The following TMEM232 variants were observed in gnomAD, a reference collection of about 807,000 sequenced individuals.
TMEM232 encodes the protein transmembrane protein 232.
Under a neutral mutation model 78.8 loss-of-function variants are expected in TMEM232, and 80 were observed. The observed-to-expected ratio is 1.01, with a 90% CI of 0.85 to 1.22. TMEM232 has a LOEUF of 1.22. Among genes scored for constraint, TMEM232 ranks in the 50% most tolerant of loss-of-function variants. The pLI, the probability that TMEM232 is intolerant of heterozygous loss-of-function variation, is 0.00. For missense variants in TMEM232, 881 were observed against 742.2 expected, an observed-to-expected ratio of 1.19 and a Z score of -2.17; for synonymous variants, 297 against 254.3, an observed-to-expected ratio of 1.17 and a Z score of -1.60.
intron 1 of TMEM232, among the ~76,000 whole-genome samples, chr5:110,704,164 A>G (rs1313435639): frequency 2.0e-5 from 3 of 152,080 alleles, no homozygotes; most frequent in Non-Finnish European, 4.4e-5. Context: ...AAGTATCATG[A>G]TCACTAGACA....
intron 12 of TMEM232, among the ~76,000 whole-genome samples, chr5:110,462,355 C>T (rs313611): frequency 0.31 from 46,545 of 152,000 alleles, 12,269 homozygotes; most frequent in African/African-American, 0.71. Flanking sequence ...TATGAAGGTG[C>T]TGCCAATGGA....
intron 12 of TMEM232, among the ~76,000 whole-genome samples, chr5:110,440,066 A>C (rs1458114987): frequency 2.6e-5 from 4 of 152,160 alleles, no homozygotes; most frequent in Non-Finnish European, 5.9e-5. Flanking sequence ...AGAAAACATA[A>C]TGTGCCCCCA....
At chr5:110,430,252 C>G (rs932049522) in intron 12 of TMEM232, among the ~76,000 whole-genome samples, 1 of 151,506 alleles carries the variant, frequency 6.6e-6, no homozygotes, top group Non-Finnish European at 1.5e-5. Context: ...GCTTATTGCT[C>G]AAAGTTTTCT....
intron 3 of TMEM232, among the ~76,000 whole-genome samples, chr5:110,391,036 C>T (rs1446676934): frequency 6.6e-6 from 1 of 152,172 alleles, no homozygotes; most frequent in African/African-American, 2.4e-5. Context: ...ACAATGATGC[C>T]ACAGTGGTTT....
At chr5:110,643,158 A>G (rs895118663) in intron 2 of TMEM232, among the ~76,000 whole-genome samples, 1 of 152,110 alleles carries the variant, frequency 6.6e-6, no homozygotes, top group Non-Finnish European at 1.5e-5. Flanking sequence ...TCGTGACTCA[A>G]CTGAGGAACT....
In TMEM232 at chr5:110,737,975, A is replaced by T. The variant is rs186064711; in HGVS notation, c.-126+18T>A. ...GCTATCAAAATATCTCATGTAACCCATAAATATATACACCTACTATACACC... is the reference window on the plus strand; with the variant it reads ...GCTATCAAAATATCTCATGTAACCCTTAAATATATACACCTACTATACACC... On this transcript the variant is annotated intron_variant, in intron 1 of 4. Coordinates refer to the TMEM232 transcript ENST00000512886. 41 of 162,784 alleles carry T rather than the reference A, an allele frequency of 2.5e-4. No homozygotes were observed. The South Asian group carries it at 3.1e-3, about 12-fold the overall frequency. The allele number at this position is 162,784 out of a possible 1,614,324, so 10.1% of individuals were successfully genotyped here. A position where few individuals can be genotyped will look rare whatever the true frequency, so the allele number is the denominator to read the frequency against.
chr5:110,466,080 A>T (rs1423589856), intron 12 of TMEM232, among the ~76,000 whole-genome samples: 2 of 152,200 alleles, frequency 1.3e-5, no homozygotes, highest in Non-Finnish European at 2.9e-5. Context: ...CTACTAATTG[A>T]ATATAGCTGT....
chr5:110,657,297 A>G (rs1789209278), intron 2 of TMEM232, among the ~76,000 whole-genome samples: 1 of 152,202 alleles, frequency 6.6e-6, no homozygotes, highest in African/African-American at 2.4e-5. Flanking sequence ...ACATCTGCAC[A>G]TCCATGTTTA....
intron 1 of TMEM232, among the ~76,000 whole-genome samples, chr5:110,670,085 C>T (rs556708939): frequency 6.6e-6 from 1 of 152,204 alleles, no homozygotes; most frequent in African/African-American, 2.4e-5. Context: ...ACAGGGATGC[C>T]CTCTCTCACC....
At chr5:110,421,970 T>C (rs1490614042) in intron 13 of TMEM232, among the ~76,000 whole-genome samples, 1 of 152,178 alleles carries the variant, frequency 6.6e-6, no homozygotes, top group African/African-American at 2.4e-5. Flanking sequence ...GAACCAGTTT[T>C]GCATAAAATG....
At chr5:110,537,327 T>C (rs1293946159) in intron 11 of TMEM232, among the ~76,000 whole-genome samples, 1 of 151,986 alleles carries the variant, frequency 6.6e-6, no homozygotes, top group Non-Finnish European at 1.5e-5. Context: ...GGCCCAATTA[T>C]GAGCTGCCCA....
At chr5:110,607,717 G>A (rs904630536) in intron 8 of TMEM232, among the ~76,000 whole-genome samples, 1 of 151,956 alleles carries the variant, frequency 6.6e-6, no homozygotes, top group African/African-American at 2.4e-5. Flanking sequence ...GCTAGAAAAG[G>A]AAGCATATTA....
intron 1 of TMEM232, among the ~76,000 whole-genome samples, chr5:110,679,265 C>A (rs1174779138): frequency 1.3e-5 from 2 of 152,104 alleles, no homozygotes; most frequent in South Asian, 2.1e-4. Flanking sequence ...ATTTGCATTT[C>A]TCTGATGACT....
chr5:110,501,314 A>C (rs1276979671), intron 12 of TMEM232, among the ~76,000 whole-genome samples: 3 of 152,180 alleles, frequency 2.0e-5, no homozygotes, highest in Non-Finnish European at 2.9e-5. Flanking sequence ...TTGGCATCTA[A>C]GCTATTAATT....
At chr5:110,485,385 T>G (rs1764351423) in intron 12 of TMEM232, among the ~76,000 whole-genome samples, 1 of 152,116 alleles carries the variant, frequency 6.6e-6, no homozygotes, top group South Asian at 2.1e-4. Context: ...TTTGTGAGAT[T>G]TTGGTGCACC....
chr5:110,587,687 A>G (rs1483653141), intron 10 of TMEM232, among the ~76,000 whole-genome samples: 48 of 78,196 alleles, frequency 6.1e-4, no homozygotes, highest in African/African-American at 1.5e-3. Flanking sequence ...ATATATATAT[A>G]TATATGTGTG....
intron 1 of TMEM232, among the ~76,000 whole-genome samples, chr5:110,687,808 A>G (rs1010341086): frequency 6.6e-6 from 1 of 152,086 alleles, no homozygotes; most frequent in Admixed American, 6.6e-5. Flanking sequence ...CTTTGGTGCA[A>G]AATATGTTGG....
intron 11 of TMEM232, among the ~76,000 whole-genome samples, chr5:110,546,081 A>T (rs536967144): frequency 6.6e-6 from 1 of 152,254 alleles, no homozygotes; most frequent in South Asian, 2.1e-4. Flanking sequence ...TTCAGGATCT[A>T]TTCACAATTG....
chr5:110,614,432 C>T (rs1260121209), intron 8 of TMEM232, among the ~76,000 whole-genome samples: 1 of 152,044 alleles, frequency 6.6e-6, no homozygotes, highest in African/African-American at 2.4e-5. Context: ...TAATGCCCTA[C>T]ATTTATAAAA....
Sources: gnomAD v4.1 joint callset for allele counts (sites outside exome capture counted in the v4.1 genomes callset) on GRCh38, gnomAD v4.1.1 for gene constraint, MANE v1.5 for transcripts, NCBI Gene and HGNC (gene_info 2026-07-23, HGNC 2026-07-21) for gene names.